The following PCDHA6 variants were observed in gnomAD, a reference collection of about 807,000 sequenced individuals.
The protein encoded by PCDHA6 is protocadherin alpha 6, also known as protocadherin alpha-6.
Under a neutral mutation model 60.3 loss-of-function variants are expected in PCDHA6, and 55 were observed. The observed-to-expected ratio is 0.91, with a 90% CI of 0.73 to 1.14. The LOEUF is 1.14. PCDHA6 is among the 50% of genes most tolerant of loss of function. The pLI is 0.00. For missense variants in PCDHA6, 1,327 were observed against 1,256.5 expected, an observed-to-expected ratio of 1.06 and a Z score of -0.85; for synonymous variants, 652 against 557.9, an observed-to-expected ratio of 1.17 and a Z score of -2.38.
intron 1 of PCDHA6, among the ~76,000 whole-genome samples, chr5:140,921,897 A>G (rs1414353237): frequency 2.0e-5 from 3 of 152,124 alleles, no homozygotes; most frequent in Non-Finnish European, 2.9e-5. Flanking sequence ...AAAGGAGGAT[A>G]AATATATATT....
At chr5:140,948,027 G>T (rs530195389) in intron 1 of PCDHA6, among the ~76,000 whole-genome samples, 1 of 151,544 alleles carries the variant, frequency 6.6e-6, no homozygotes, top group Non-Finnish European at 1.5e-5. Flanking sequence ...TTTCTGGTTT[G>T]CTCAGAGTTT....
intron 1 of PCDHA6, among the ~76,000 whole-genome samples, chr5:140,948,708 C>A (rs1376587735): frequency 6.6e-6 from 1 of 151,114 alleles, no homozygotes; most frequent in Non-Finnish European, 1.5e-5. Flanking sequence ...TGTGTTCTAT[C>A]CTCTTTTTTA....
At chr5:141,000,743 T>TAA (rs527867626) in intron 3 of PCDHA6, among the ~76,000 whole-genome samples, 3 of 145,408 alleles carry the variant, frequency 2.1e-5, no homozygotes, top group Admixed American at 6.9e-5. Context: ...CTCTGTATAT[T>TAA]AAAAAAAAAA....
rs557916636 is a variant in PCDHA6, at chr5:141,000,518, C to G, written c.2543-9109C>G. The stretch of plus-strand genomic sequence containing the variant: ...TCTCGGCTCACTGCAACCTCCTTCT[C>G]CAGGGTTCAAGTGATTCTCATGCCT... On this transcript the variant is annotated intron_variant, in intron 3 of 3. Transcript: ENST00000529310. Among the ~76,000 whole-genome samples the G allele has an allele frequency of 6.9e-4, 100 of 144,062 alleles. 3 individuals are homozygous for G. In the South Asian group the frequency reaches 0.021, roughly 31 times the overall value. 94.5% of individuals were successfully genotyped at this position (144,062 alleles called of 152,430 possible). A position where few individuals can be genotyped will look rare whatever the true frequency, so the allele number is the denominator to read the frequency against.
At chr5:140,927,430 A>C (rs782761686) in intron 1 of PCDHA6, 4 of 1,614,152 alleles carry the variant, frequency 2.5e-6, no homozygotes, top group Non-Finnish European at 3.4e-6. Flanking sequence ...GGTTGACGGC[A>C]GCGAATACCC....
chr5:140,988,574 T>C (rs538316418), intron 3 of PCDHA6, among the ~76,000 whole-genome samples: 1 of 152,342 alleles, frequency 6.6e-6, no homozygotes, highest in East Asian at 1.9e-4. Context: ...GAAAACACTC[T>C]GTACCTTCCA....
chr5:140,834,911 G>A (rs2150228953), intron 1 of PCDHA6: 44 of 1,595,108 alleles, frequency 2.8e-5, no homozygotes, highest in Non-Finnish European at 4.3e-6. Context: ...GCCCCAATGA[G>A]TATTTCTTCC....
intron 1 of PCDHA6, chr5:140,865,230 G>A (rs1393795782): frequency 6.6e-6 from 1 of 152,136 alleles, no homozygotes; most frequent in Non-Finnish European, 1.5e-5. Flanking sequence ...GGATCCCAGA[G>A]AACACGTATT....
intron 1 of PCDHA6, chr5:140,836,827 G>C: frequency 1.0e-6 from 1 of 968,068 alleles, no homozygotes; most frequent in African/African-American, 1.7e-5. Context: ...TTCTTTTTTA[G>C]TTGATAGCTT....
At chr5:140,942,949 G>A (rs1183072564) in intron 1 of PCDHA6, among the ~76,000 whole-genome samples, 10 of 151,942 alleles carry the variant, frequency 6.6e-5, no homozygotes, top group Admixed American at 1.3e-4. Flanking sequence ...AAGTGTAGAC[G>A]TTCTGTTATC....
Position 140,841,423 on chromosome 5 carries a change from C to T in PCDHA6, c.2394+10938C>T, listed in dbSNP as rs139433967. ...TGGGGAGCGGCCAGCTCCACTACTCCGTCCCCGAGGAGGCCAAACACGGCA... is the reference window on the plus strand; with the variant it reads ...TGGGGAGCGGCCAGCTCCACTACTCTGTCCCCGAGGAGGCCAAACACGGCA... On this transcript the variant is annotated intron_variant, in intron 1 of 3. Coordinates refer to ENST00000529310, the MANE Select transcript of PCDHA6 (RefSeq NM_018909.4). 4.9e-4 allele frequency: 796 copies of T among 1,610,400 alleles called. 13 individuals carry two copies. The African/African-American group carries it at 8.8e-3, about 18-fold the overall frequency.
At chr5:140,990,025 T>C (rs2097371572) in intron 3 of PCDHA6, among the ~76,000 whole-genome samples, 1 of 151,914 alleles carries the variant, frequency 6.6e-6, no homozygotes, top group African/African-American at 2.4e-5. Flanking sequence ...AGGCAAAGGA[T>C]GGGAGAAGTC....
chr5:140,829,637 A>G lies in PCDHA6; in HGVS notation c.1546A>G (p.Lys516Glu). 2 of 1,612,300 alleles carry G rather than the reference A, an allele frequency of 1.2e-6. No homozygotes were observed. The highest frequency in any genetic ancestry group is 1.7e-6 in the Non-Finnish European group (2 of 1,179,796). ...CATTTCGGTGCACGCGGAGAGCGGC[A>G]AGGTGTACGCGCTGCAGCCGCTGGA... ...SYISVHAESG[K>E]VYALQPLDHE... Residue 516 changes from lysine to glutamate, a missense_variant, in exon 1 of 4, where the codon AAG becomes GAG. By Grantham distance (56) the Lys-to-Glu change is moderately conservative (BLOSUM62 1). Transcript: ENST00000529310.
At chr5:140,981,186 T>G (rs1307228709) in intron 2 of PCDHA6, among the ~76,000 whole-genome samples, 1 of 152,234 alleles carries the variant, frequency 6.6e-6, no homozygotes, top group Non-Finnish European at 1.5e-5. Flanking sequence ...AGTTCAAGTT[T>G]GCCTGCTCTG....
At chr5:140,988,267 C>T (rs1204961254) in intron 3 of PCDHA6, among the ~76,000 whole-genome samples, 1 of 152,146 alleles carries the variant, frequency 6.6e-6, no homozygotes, top group Non-Finnish European at 1.5e-5. Flanking sequence ...GAGTATCCTT[C>T]GCTGTCACCT....
intron 1 of PCDHA6, among the ~76,000 whole-genome samples, chr5:140,973,831 C>T (rs1212841510): frequency 1.3e-5 from 2 of 152,214 alleles, no homozygotes; most frequent in African/African-American, 4.8e-5. Flanking sequence ...GTTCTGGGTA[C>T]TTGCTTGTTG....
At position 140,828,013 on chromosome 5, in the gene PCDHA6, T is replaced by A; in HGVS notation, c.-79T>A. ...TGATGGCGGACGCAGAAGAAATGGA[T>A]TAATAAATTCCGGAACATACAGTAT... is the stretch of plus-strand genomic sequence containing the variant. On this transcript the variant is annotated 5_prime_UTR_variant, in exon 1 of 4. Coordinates refer to ENST00000529310, the MANE Select transcript of PCDHA6 (RefSeq NM_018909.4). 1 of 1,508,370 alleles carries A rather than the reference T, an allele frequency of 6.6e-7. No individual in the cohort carries two copies. The highest frequency in any genetic ancestry group is 2.2e-5 in the Admixed American group (1 of 44,674). 93.4% of individuals were successfully genotyped at this position (1,508,370 alleles called of 1,614,324 possible).
chr5:140,929,164 GC>G (rs781931769), intron 1 of PCDHA6: 2 of 1,614,150 alleles, frequency 1.2e-6, no homozygotes, highest in Non-Finnish European at 1.7e-6. Context: ...TCTCTATCGG[GC>G]CTCTCTGGGA....
chr5:140,911,515 T>C (rs2075517327), intron 1 of PCDHA6, among the ~76,000 whole-genome samples: 1 of 152,226 alleles, frequency 6.6e-6, no homozygotes, highest in African/African-American at 2.4e-5. Flanking sequence ...CAGTATCTGC[T>C]TCTGAAGCTA....
Sources: allele counts gnomAD v4.1 joint callset (sites outside exome capture counted in the v4.1 genomes callset), GRCh38; gene constraint gnomAD v4.1.1; transcripts MANE v1.5; gene names NCBI Gene and HGNC (gene_info 2026-07-23, HGNC 2026-07-21).